RBFOX1: variants seen among roughly 807,000 people sequenced by gnomAD.
RBFOX1 encodes the protein RNA binding protein fox-1 homolog 1.
A neutral mutation model predicts 57.7 loss-of-function variants in RBFOX1; 8 were observed. That is an observed-to-expected ratio of 0.14 (90% CI 0.08 to 0.25). The LOEUF is 0.25. Ranked by LOEUF, RBFOX1 falls within the 10% of genes least tolerant of loss-of-function variation. The probability of loss-of-function intolerance (pLI) is 1.00; values close to 1 mark genes in which losing one functional copy is unlikely to be tolerated. For synonymous variants in RBFOX1, 326 were observed against 222.4 expected (o/e 1.47, Z -4.15); for missense variants, 611 against 548.5 (o/e 1.11, Z -1.14).
intron 1 of RBFOX1, among the ~76,000 whole-genome samples, chr16:5,314,760 CAA>C (rs993482561): frequency 2.0e-5 from 3 of 150,102 alleles, no homozygotes; most frequent in Admixed American, 1.3e-4. Flanking sequence ...TTTGGCCTCT[CAA>C]AGTGCTGAGA....
At chr16:6,060,293 G>T (rs1324485359) in intron 1 of RBFOX1, among the ~76,000 whole-genome samples, 1 of 151,940 alleles carries the variant, frequency 6.6e-6, no homozygotes, top group East Asian at 1.9e-4. Flanking sequence ...TGCACCATTT[G>T]TTCATCTGTA....
At chr16:6,229,167 G>T (rs2097439368) in intron 1 of RBFOX1, among the ~76,000 whole-genome samples, 2 of 152,116 alleles carry the variant, frequency 1.3e-5, no homozygotes, top group South Asian at 4.1e-4. Context: ...TACCCCCCGA[G>T]ACTATAATGT....
intron 2 of RBFOX1, among the ~76,000 whole-genome samples, chr16:6,582,677 C>G (rs1293234214): frequency 6.6e-6 from 1 of 151,688 alleles, no homozygotes; most frequent in Admixed American, 6.6e-5. Context: ...CTTTTTCCCT[C>G]CACCATTTCT....
intron 14 of RBFOX1, among the ~76,000 whole-genome samples, chr16:7,705,533 T>C (rs1054506216): frequency 2.8e-4 from 42 of 152,126 alleles, no homozygotes; most frequent in African/African-American, 9.2e-4. Flanking sequence ...AAAAATCCTA[T>C]GTGCCTGGAG....
At chr16:6,511,168 G>A (rs2096248529) in intron 2 of RBFOX1, among the ~76,000 whole-genome samples, 2 of 152,116 alleles carry the variant, frequency 1.3e-5, no homozygotes, top group South Asian at 4.1e-4. Flanking sequence ...TGGTGGAAAA[G>A]CCTCTGGAAA....
At chr16:6,312,631 T>A (rs929176812) in intron 1 of RBFOX1, among the ~76,000 whole-genome samples, 8 of 151,952 alleles carry the variant, frequency 5.3e-5, no homozygotes, top group African/African-American at 1.9e-4. Context: ...AGCCATAGGA[T>A]GACTAAGCCG....
At chr16:5,525,520 CAG>C (rs2044209980) in intron 2 of RBFOX1, among the ~76,000 whole-genome samples, 1 of 93,786 alleles carries the variant, frequency 1.1e-5, no homozygotes, top group African/African-American at 4.6e-5. Context: ...TTTTTTGAGA[CAG>C]AGTCTTGCTC....
chr16:6,325,858 G>C (rs2082313108), intron 2 of RBFOX1, among the ~76,000 whole-genome samples: 1 of 152,136 alleles, frequency 6.6e-6, no homozygotes, highest in Non-Finnish European at 1.5e-5. Context: ...TTGAATTCAG[G>C]TGGTTATTTG....
At chr16:7,184,159 A>G (rs1328747131) in intron 4 of RBFOX1, among the ~76,000 whole-genome samples, 1 of 152,216 alleles carries the variant, frequency 6.6e-6, no homozygotes, top group Non-Finnish European at 1.5e-5. Flanking sequence ...GATCATAAAA[A>G]GAGTAGCACA....
intron 3 of RBFOX1, among the ~76,000 whole-genome samples, chr16:5,769,494 A>C (rs979682168): frequency 6.6e-6 from 1 of 151,876 alleles, no homozygotes; most frequent in Non-Finnish European, 1.5e-5. Flanking sequence ...ATACAAAAAA[A>C]AAAAAAAAAT....
At chr16:6,074,903 C>G (rs566490820) in intron 1 of RBFOX1, among the ~76,000 whole-genome samples, 3 of 151,954 alleles carry the variant, frequency 2.0e-5, no homozygotes, top group South Asian at 2.1e-4. Flanking sequence ...GACTTTGAGA[C>G]CAGCCTAGGC....
chr16:6,530,758 C>CA (rs2096646700), intron 2 of RBFOX1, among the ~76,000 whole-genome samples: 3 of 138,982 alleles, frequency 2.2e-5, no homozygotes, highest in East Asian at 2.2e-4. Context: ...GTCCCTTCCC[C>CA]ACCCCCATCT....
At chr16:7,669,775 A>G (rs977988748) in intron 13 of RBFOX1, among the ~76,000 whole-genome samples, 1 of 152,194 alleles carries the variant, frequency 6.6e-6, no homozygotes, top group Non-Finnish European at 1.5e-5. Context: ...TAAAGCTGGA[A>G]AGTAGGAATT....
intron 2 of RBFOX1, among the ~76,000 whole-genome samples, chr16:6,445,990 G>C (rs1475326868): frequency 6.6e-6 from 1 of 151,630 alleles, no homozygotes. Flanking sequence ...TTAGGGATAG[G>C]GTCTCTGTTT....
At chr16:6,384,117 T>G (rs2092065924) in intron 2 of RBFOX1, among the ~76,000 whole-genome samples, 1 of 152,044 alleles carries the variant, frequency 6.6e-6, no homozygotes, top group African/African-American at 2.4e-5. Context: ...AAAGTTTTGT[T>G]TATTCATTGG....
At chr16:7,254,934 A>T (rs560139934) in intron 4 of RBFOX1, among the ~76,000 whole-genome samples, 2 of 152,160 alleles carry the variant, frequency 1.3e-5, no homozygotes, top group African/African-American at 2.4e-5. Context: ...TCAAATTTCA[A>T]TTCACTCATT....
chr16:7,179,628 C>T (rs139815208), intron 4 of RBFOX1, among the ~76,000 whole-genome samples: 1,860 of 152,134 alleles, frequency 0.012, 44 homozygotes, highest in African/African-American at 0.043. Flanking sequence ...AGGAAGCTGA[C>T]CACATAGGGG....
rs572050047 is a variant in RBFOX1, at chr16:7,667,926, G to A, written c.930+2958G>A. Among the ~76,000 whole-genome samples the A allele has an allele frequency of 5.3e-5, 8 of 152,148 alleles. No homozygotes were observed. In the South Asian group the frequency reaches 8.3e-4, roughly 16 times the overall value. The stretch of plus-strand genomic sequence containing the variant: ...TGACCTCAAGTGATCCATCCGCCTC[G>A]GTCTCCCAAAGTGCTACGATTACAG... On this transcript the variant is annotated intron_variant, in intron 13 of 15. Coordinates refer to ENST00000550418, the MANE Select transcript of RBFOX1 (RefSeq NM_018723.4).
At chr16:6,673,618 A>G (rs1206309319) in intron 3 of RBFOX1, among the ~76,000 whole-genome samples, 2 of 152,068 alleles carry the variant, frequency 1.3e-5, no homozygotes, top group Non-Finnish European at 2.9e-5. Flanking sequence ...AAATATATAG[A>G]TATGTATTGA....
Sources: allele counts gnomAD v4.1 joint callset (sites outside exome capture counted in the v4.1 genomes callset), GRCh38; gene constraint gnomAD v4.1.1; transcripts MANE v1.5; gene names NCBI Gene and HGNC (gene_info 2026-07-23, HGNC 2026-07-21).